The following TENM2 variants were observed in gnomAD, a reference collection of about 807,000 sequenced individuals.
TENM2 encodes the protein teneurin transmembrane protein 2, also known as teneurin-2.
A neutral mutation model predicts 245.2 loss-of-function variants in TENM2; 52 were observed. That is an observed-to-expected ratio of 0.21 (90% CI 0.17 to 0.27). TENM2 has a LOEUF of 0.27. TENM2 is among the 10% of genes least tolerant of loss of function. TENM2 has a pLI of 1.00. For missense variants in TENM2, 3,046 were observed against 3,666.8 expected (o/e 0.83, Z 4.37); for synonymous variants, 1,363 against 1,438.9 (o/e 0.95, Z 1.19).
At chr5:167,751,794 G>A (rs112580111) in intron 2 of TENM2, among the ~76,000 whole-genome samples, 51 of 152,138 alleles carry the variant, frequency 3.4e-4, no homozygotes, top group African/African-American at 1.2e-3. Context: ...TGTCAGGCAA[G>A]AAGAAAGCAG....
the TENM2 span, among the ~76,000 whole-genome samples, chr5:167,146,108 T>C: frequency 6.6e-6 from 1 of 152,136 alleles, no homozygotes; most frequent in African/African-American, 2.4e-5. Context: ...TCACAATTTG[T>C]CAGTGTACTT....
intron 4 of TENM2, among the ~76,000 whole-genome samples, chr5:167,984,517 G>A (rs902846276): frequency 3.9e-5 from 6 of 152,096 alleles, no homozygotes; most frequent in East Asian, 1.9e-4. Context: ...TTAGCCTGGC[G>A]TGGTGGCACA....
intron 5 of TENM2, among the ~76,000 whole-genome samples, chr5:168,036,459 A>AC: frequency 6.6e-6 from 1 of 151,802 alleles, no homozygotes. Flanking sequence ...CAAATGGTGA[A>AC]ACCCCATCTC....
chr5:167,010,833 C>T, the TENM2 span, among the ~76,000 whole-genome samples: 18 of 152,182 alleles, frequency 1.2e-4, no homozygotes, highest in South Asian at 8.3e-4. Context: ...GTTTCTTGGA[C>T]GAGTGATATT....
chr5:167,851,304 C>A (rs1388368435), intron 2 of TENM2, among the ~76,000 whole-genome samples: 1 of 151,998 alleles, frequency 6.6e-6, no homozygotes, highest in African/African-American at 2.4e-5. Context: ...GCAAGAAAAG[C>A]TAGATTAATG....
intron 12 of TENM2, among the ~76,000 whole-genome samples, chr5:168,134,361 TATC>T (rs1031273821): frequency 6.6e-6 from 1 of 152,066 alleles, no homozygotes; most frequent in Non-Finnish European, 1.5e-5. Context: ...TGTAAGCTGT[TATC>T]ATCATCACCA....
intron 2 of TENM2, among the ~76,000 whole-genome samples, chr5:167,575,682 G>GT (rs373804025): frequency 2.4e-4 from 37 of 152,288 alleles, no homozygotes; most frequent in African/African-American, 8.2e-4. Flanking sequence ...CCTGATACAG[G>GT]TTGGGGAGAC....
exon 11 of TENM2, chr5:168,124,950 G>A (rs760965534): frequency 1.2e-6 from 2 of 1,612,382 alleles, no homozygotes; most frequent in South Asian, 1.1e-5. Context: ...AGCTGGCGAG[G>A]GTCCAGTGCC....
intron 2 of TENM2, among the ~76,000 whole-genome samples, chr5:167,469,529 T>C (rs1202212341): frequency 6.6e-6 from 1 of 152,136 alleles, no homozygotes; most frequent in Non-Finnish European, 1.5e-5. Flanking sequence ...ATATTTGTTA[T>C]TGTGTATAAC....
intron 6 of TENM2, among the ~76,000 whole-genome samples, chr5:168,050,610 C>A (rs1788995964): frequency 6.6e-6 from 1 of 152,120 alleles, no homozygotes; most frequent in Non-Finnish European, 1.5e-5. Context: ...TAAATGTAAG[C>A]AAAACACAGG....
chr5:167,691,460 C>T (rs1467605247), intron 2 of TENM2, among the ~76,000 whole-genome samples: 1 of 152,218 alleles, frequency 6.6e-6, no homozygotes, highest in East Asian at 1.9e-4. Flanking sequence ...GCAAGTCACA[C>T]TGTGTCTTCC....
intron 4 of TENM2, among the ~76,000 whole-genome samples, chr5:167,977,055 T>C (rs957782851): frequency 6.6e-6 from 1 of 152,128 alleles, no homozygotes; most frequent in African/African-American, 2.4e-5. Flanking sequence ...CTTAGCAAAC[T>C]AACACAGGAA....
the TENM2 span, among the ~76,000 whole-genome samples, chr5:167,093,806 C>T: frequency 6.6e-6 from 1 of 152,158 alleles, no homozygotes; most frequent in Non-Finnish European, 1.5e-5. Flanking sequence ...TTACTATATT[C>T]TGTGAGGTTC....
At chr5:167,668,276 T>C (rs768654122) in intron 2 of TENM2, among the ~76,000 whole-genome samples, 3 of 152,160 alleles carry the variant, frequency 2.0e-5, no homozygotes, top group Non-Finnish European at 4.4e-5. Context: ...GAAATCTAGC[T>C]CTTGTGTAAA....
At position 167,594,097 on chromosome 5, in the gene TENM2, C is replaced by G. The variant is rs1582483252; in HGVS notation, c.502+218624C>G. Among the ~76,000 whole-genome samples, 3 of 151,992 alleles carry G rather than the reference C, an allele frequency of 2.0e-5. No homozygotes were observed. In the South Asian group the frequency reaches 6.2e-4, roughly 32 times the overall value. Reference sequence around the variant, plus strand: ...AAATGAACATTGTATAAAATTGAAGCAATTTAAAAATATACAGTATTTAAG... The same window carrying G: ...AAATGAACATTGTATAAAATTGAAGGAATTTAAAAATATACAGTATTTAAG... On this transcript the variant is annotated intron_variant, in intron 2 of 28. Coordinates refer to ENST00000518659, the Ensembl canonical transcript of TENM2.
At chr5:166,996,579 G>T in the TENM2 span, among the ~76,000 whole-genome samples, 1 of 152,134 alleles carries the variant, frequency 6.6e-6, no homozygotes, top group Non-Finnish European at 1.5e-5. Context: ...GAAAAAGTTT[G>T]CTGGCCTTTA....
At chr5:167,302,302 T>A (rs1043166481) in intron 1 of TENM2, among the ~76,000 whole-genome samples, 1 of 151,756 alleles carries the variant, frequency 6.6e-6, no homozygotes, top group Non-Finnish European at 1.5e-5. Context: ...AGGTCAGGTG[T>A]GAGTTGAAGA....
At chr5:167,364,668 T>G (rs1020828403) in intron 1 of TENM2, among the ~76,000 whole-genome samples, 49 of 152,020 alleles carry the variant, frequency 3.2e-4, no homozygotes, top group African/African-American at 1.2e-3. Context: ...CTTGACTGCT[T>G]TATGTAAGGC....
intron 12 of TENM2, among the ~76,000 whole-genome samples, chr5:168,159,967 C>T (rs759409048): frequency 4.1e-4 from 63 of 152,134 alleles, no homozygotes; most frequent in Admixed American, 3.9e-3. Context: ...ATGTAGCGGA[C>T]GTGGGTTTCC....
Sources: allele counts gnomAD v4.1 joint callset (sites outside exome capture counted in the v4.1 genomes callset), GRCh38; gene constraint gnomAD v4.1.1; transcripts MANE v1.5; gene names NCBI Gene and HGNC (gene_info 2026-07-23, HGNC 2026-07-21).